ZFYVE16: variants seen among roughly 807,000 people sequenced by gnomAD.
ZFYVE16 encodes the protein zinc finger FYVE-type containing 16.
ZFYVE16 carries 89 observed loss-of-function variants against 138.1 expected under a neutral mutation model. The ratio of observed to expected loss-of-function variants is 0.64; its 90% CI spans 0.54 to 0.77. ZFYVE16 has a LOEUF of 0.77. ZFYVE16 is among the 30% of genes least tolerant of loss of function. The pLI, the probability that ZFYVE16 is intolerant of heterozygous loss-of-function variation, is 0.00. For missense variants in ZFYVE16, 1,793 were observed against 1,786.7 expected (o/e 1.00, Z -0.06); for synonymous variants, 596 against 618.3 (o/e 0.96, Z 0.53).
At chr5:80,427,610 C>CTTTTTTTT in intron 2 of ZFYVE16, 65 bp downstream of exon 2, 17 of 50,006 alleles carry the variant, frequency 3.4e-4, no homozygotes, top group Admixed American at 1.6e-3. Flanking sequence ...CTGTCGTATG[C>CTTTTTTTT]TTTTTTTTTT....
intron 15 of ZFYVE16, among the ~76,000 whole-genome samples, chr5:80,465,396 C>CTTTTTTTTTTTTT (rs1187412933): frequency 2.9e-3 from 77 of 26,316 alleles, no homozygotes; most frequent in East Asian, 9.4e-3. Flanking sequence ...TTTTCCTTTT[C>CTTTTTTTTTTTTT]TTTGTTTTTT....
In ZFYVE16 at chr5:80,443,056, G is replaced by T. The variant is rs112091381; in HGVS notation, c.2420-67G>T. 95 of 1,365,280 alleles carry T rather than the reference G, an allele frequency of 7.0e-5. No individual in the cohort carries two copies. The Admixed American group carries it at 2.7e-3, about 38-fold the overall frequency. The allele number at this position is 1,365,280 out of a possible 1,614,324, so 84.6% of individuals were successfully genotyped here. A position where few individuals can be genotyped will look rare whatever the true frequency, so the allele number is the denominator to read the frequency against. On this transcript the variant is annotated intron_variant, in intron 5 of 18. Transcript: ENST00000505560. ...CAACTTGAAAAATAGAATATTTATTGTAATTTACTTTGAAGTAAATTCCAA... is the reference window on the plus strand; with the variant it reads ...CAACTTGAAAAATAGAATATTTATTTTAATTTACTTTGAAGTAAATTCCAA...
chr5:80,410,652 C>T (rs182911798), intron 1 of ZFYVE16, among the ~76,000 whole-genome samples: 7 of 151,552 alleles, frequency 4.6e-5, no homozygotes, highest in Non-Finnish European at 8.8e-5. Flanking sequence ...CTCACTGTAA[C>T]CTCTGCCTCC....
In ZFYVE16 at chr5:80,437,825, G is replaced by A. The variant is rs138889917; in HGVS notation, c.1140G>A (p.Ala380=). The A allele has an allele frequency of 6.0e-5, 97 of 1,613,938 alleles. No homozygotes were observed. The African/African-American group carries it at 1.0e-3, about 17-fold the overall frequency. ...DVPSSLSCLP[A]SGSMCGSLIE... is the part of the protein sequence containing the mutation. ...CGTCCTCATTGTCCTGTCTTCCTGCGTCTGGGTCTATGTGTGGATCATTAA... is the reference window on the plus strand; with the variant it reads ...CGTCCTCATTGTCCTGTCTTCCTGCATCTGGGTCTATGTGTGGATCATTAA... The change falls in exon 4 of 19, where the codon GCG becomes GCA. Residue 380 remains alanine (A), a synonymous_variant. Transcript: ENST00000505560.
intron 2 of ZFYVE16, among the ~76,000 whole-genome samples, chr5:80,431,893 C>T (rs1749087065): frequency 2.6e-5 from 4 of 152,152 alleles, no homozygotes; most frequent in Non-Finnish European, 5.9e-5. Flanking sequence ...TGAAGGACCT[C>T]TTCAGGGAGA....
chr5:80,469,045 G>C (rs1754019159), intron 15 of ZFYVE16, among the ~76,000 whole-genome samples: 1 of 150,394 alleles, frequency 6.6e-6, no homozygotes, highest in East Asian at 1.9e-4. Context: ...TTCTGATAAT[G>C]GAATTTGAGA....
At chr5:80,429,578 C>G (rs559824429) in intron 2 of ZFYVE16, among the ~76,000 whole-genome samples, 2 of 152,266 alleles carry the variant, frequency 1.3e-5, no homozygotes, top group South Asian at 4.1e-4. Context: ...GTCATAATGA[C>G]AGGATCAAAT....
intron 11 of ZFYVE16, 117 bp downstream of exon 11, chr5:80,451,826 A>C (rs1226907233): frequency 9.6e-7 from 1 of 1,038,832 alleles, no homozygotes; most frequent in Non-Finnish European, 1.4e-6. Context: ...TTGTTTTGCT[A>C]TGCTTTTAAA....
intron 2 of ZFYVE16, among the ~76,000 whole-genome samples, chr5:80,433,785 T>G (rs1749470058): frequency 6.6e-6 from 1 of 152,212 alleles, no homozygotes; most frequent in Non-Finnish European, 1.5e-5. Flanking sequence ...ATTATTTTTA[T>G]GCGTTTGTAG....
intron 2 of ZFYVE16, 53 bp from the exon 3 acceptor site, chr5:80,434,056 A>C: frequency 8.0e-7 from 1 of 1,243,494 alleles, no homozygotes; most frequent in Non-Finnish European, 1.1e-6. Flanking sequence ...AATACATGGC[A>C]TAAAATTTGT....
intron 8 of ZFYVE16, among the ~76,000 whole-genome samples, chr5:80,449,116 T>C (rs1419717972): frequency 3.9e-5 from 6 of 152,156 alleles, no homozygotes; most frequent in Admixed American, 3.3e-4. Context: ...TATCTTTCTA[T>C]TGATTGTCAA....
intron 2 of ZFYVE16, among the ~76,000 whole-genome samples, chr5:80,432,527 C>T (rs992474114): frequency 6.6e-6 from 1 of 152,182 alleles, no homozygotes; most frequent in Admixed American, 6.5e-5. Context: ...TAGGCATGGG[C>T]AAGGACTTCA....
At chr5:80,412,499 G>C (rs1468017498) in intron 1 of ZFYVE16, among the ~76,000 whole-genome samples, 1 of 152,044 alleles carries the variant, frequency 6.6e-6, no homozygotes, top group South Asian at 2.1e-4. Context: ...AGCTTAATGA[G>C]ATTTCATGTT....
At chr5:80,457,633 TTAAA>T (rs1752653872) in intron 14 of ZFYVE16, among the ~76,000 whole-genome samples, 1 of 152,188 alleles carries the variant, frequency 6.6e-6, no homozygotes, top group South Asian at 2.1e-4. Flanking sequence ...GATACCATAC[TTAAA>T]ATAGTCCAAC....
chr5:80,437,793 G>A lies in ZFYVE16; in HGVS notation c.1108G>A (p.Asp370Asn), dbSNP rs541243558. 5 of 1,613,950 alleles carry A rather than the reference G, an allele frequency of 3.1e-6. No homozygotes were observed. Among genetic ancestry groups the A allele is most frequent in the East Asian group, 2.2e-5 (1 of 44,894 alleles). Residue 370 changes from aspartate to asparagine, a missense_variant, in exon 4 of 19, where the codon GAT becomes AAT. By Grantham distance (23) the Asp-to-Asn change is conservative (BLOSUM62 1). Around this residue, in one of 2 missense-constraint regions of ZFYVE16, gnomAD observed 1,295 missense variants for 1,204.3 expected, o/e 1.08. Transcript: ENST00000505560. ...SSSALHVSSKDVPSSLSCLPA... is the reference protein window; with the variant it reads ...SSSALHVSSKNVPSSLSCLPA... ...TTCAGCTTTACATGTTTCCAGTAAA[G>A]ATGTGCCGTCCTCATTGTCCTGTCT...
At chr5:80,407,842 A>G (rs974926646), upstream of ZFYVE16, among the ~76,000 whole-genome samples, 3 of 152,196 alleles carry the variant, frequency 2.0e-5, no homozygotes, top group African/African-American at 7.2e-5. Flanking sequence ...TCGAATCATC[A>G]GGCGTCCCCG....
chr5:80,436,676 A>G, intron 3 of ZFYVE16, 80 bp from the exon 4 acceptor site: 1 of 1,263,020 alleles, frequency 7.9e-7, no homozygotes. Context: ...TATTTAGTTT[A>G]GAAGTCTTGG....
intron 1 of ZFYVE16, among the ~76,000 whole-genome samples, chr5:80,420,963 T>C (rs1005912376): frequency 6.6e-6 from 1 of 152,242 alleles, no homozygotes; most frequent in Non-Finnish European, 1.5e-5. Flanking sequence ...ACCTGTTGTT[T>C]CCTGACTTTT....
intron 15 of ZFYVE16, among the ~76,000 whole-genome samples, chr5:80,468,526 G>A (rs533050713): frequency 6.6e-5 from 10 of 152,186 alleles, no homozygotes; most frequent in African/African-American, 1.9e-4. Context: ...CACAGAAAAC[G>A]CACAGTAAAA....
Sources: allele counts gnomAD v4.1 joint callset (sites outside exome capture counted in the v4.1 genomes callset), GRCh38; gene constraint gnomAD v4.1.1; regional missense constraint gnomAD v4.1.1; transcripts MANE v1.5; gene names NCBI Gene and HGNC (gene_info 2026-07-23, HGNC 2026-07-21).